Variants in TRPA1 observed in about 807,000 individuals in gnomAD.
The protein encoded by TRPA1 is ankyrin-like with transmembrane domains 1.
TRPA1 carries 129 observed loss-of-function variants against 131.3 expected under a neutral mutation model. The ratio of observed to expected loss-of-function variants is 0.98; its 90% confidence interval spans 0.85 to 1.14. The LOEUF is 1.14. TRPA1 is among the 50% of genes most tolerant of loss of function. The probability of loss-of-function intolerance (pLI) is 0.00; values close to 1 mark genes in which losing one functional copy is unlikely to be tolerated. For synonymous variants in TRPA1, 441 were observed against 451.7 expected, an observed-to-expected ratio of 0.98 and a Z score of 0.30; for missense variants, 1,304 against 1,354.2, an observed-to-expected ratio of 0.96 and a Z score of 0.58.
Position 72,057,017 on chromosome 8 carries a change from C to A in TRPA1, c.1094G>T (p.Gly365Val). ...ATTATCTTTTATGTCTACTTGGGCA[C>A]CTAAAAAAAAACACTATGTAAATAT... ...WNIVNLLLSK[G>V]AQVDIKDNFG... Residue 365 changes from glycine to valine, a missense_variant and splice_region_variant, in exon 10 of 27, where the codon GGT becomes GTT. Gly to Val is a moderately radical substitution (Grantham distance 109). Coordinates refer to ENST00000262209, the MANE Select transcript of TRPA1 (RefSeq NM_007332.3). 2 of 1,592,334 alleles carry A rather than the reference C, an allele frequency of 1.3e-6. No individual in the cohort carries two copies. Among genetic ancestry groups the A allele is most frequent in the African/African-American group, 1.4e-5 (1 of 73,744 alleles).
chr8:72,023,045 A>T lies in TRPA1; in HGVS notation c.3221T>A (p.Ile1074Asn). Residue 1074 changes from isoleucine to asparagine, a missense_variant, in exon 27 of 27, where the codon ATC (isoleucine) becomes AAC (asparagine). Ile to Asn is a moderately radical substitution (Grantham distance 149). Coordinates refer to ENST00000262209, the MANE Select transcript of TRPA1 (RefSeq NM_007332.3). ...LIKLIIQKME[I>N]ISETEDDDSH... The stretch of plus-strand genomic sequence containing the variant: ...ATCATCATCCTCTGTCTCAGAGATG[A>T]TCTCCATCTTCTGAATGATCAGTTT... The T allele has an allele frequency of 6.2e-7, 1 of 1,613,624 alleles. No homozygotes were observed. The highest frequency in any genetic ancestry group is 8.5e-7 in the Non-Finnish European group (1 of 1,179,816).
intron 21 of TRPA1, among the ~76,000 whole-genome samples, chr8:72,035,941 G>T (rs898599743): frequency 6.8e-6 from 1 of 147,140 alleles, no homozygotes; most frequent in Non-Finnish European, 1.5e-5. Context: ...GTATCTAGTG[G>T]GTAGAAGCCA....
chr8:72,059,332 A>G, intron 8 of TRPA1, 58 bp downstream of exon 8: 1 of 1,145,130 alleles, frequency 8.7e-7, no homozygotes, highest in Non-Finnish European at 1.3e-6. Context: ...TTATGTAATT[A>G]TACGATTTCT....
chr8:72,075,169 G>T (rs375681541), intron 1 of TRPA1, 130 bp downstream of exon 1: 2 of 747,802 alleles, frequency 2.7e-6, no homozygotes. Context: ...TCACCTCTTG[G>T]ATTGTGCACA....
chr8:72,047,519 G>A (rs1039987987), intron 15 of TRPA1, among the ~76,000 whole-genome samples: 2 of 151,984 alleles, frequency 1.3e-5, no homozygotes, highest in South Asian at 2.1e-4. Flanking sequence ...ATGTCTTTCT[G>A]GACTTTTAGA....
chr8:72,075,403 G>A lies in TRPA1; in HGVS notation c.7C>T (p.Arg3Cys), dbSNP rs13268757. MK[R>C]SLRKMWRPGE... is the part of the protein sequence containing the mutation. ...GGGCGCCACATCTTCCTCAGGCTGC[G>A]CTTCATTGACCCCACCCCGGACGCC... The change falls in exon 1 of 27, where the codon CGC (arginine) becomes TGC (cysteine). Residue 3 changes from arginine to cysteine, a missense_variant. Arg to Cys is a radical substitution (Grantham distance 180). Transcript: ENST00000262209. 0.15 allele frequency: 235,524 copies of A among 1,606,200 alleles called. 18,504 individuals carry two copies. The highest frequency in any genetic ancestry group is 0.23 in the Middle Eastern group (1,053 of 4,528).
chr8:72,072,211 T>A (rs16937980), intron 1 of TRPA1, among the ~76,000 whole-genome samples: 19,642 of 152,250 alleles, frequency 0.13, 1,452 homozygotes, highest in Middle Eastern at 0.32. Flanking sequence ...ACTAGTCTCA[T>A]ATGCCACATG....
At chr8:72,052,539 A>T in intron 14 of TRPA1, 60 bp downstream of exon 14, 1 of 1,600,596 alleles carries the variant, frequency 6.2e-7, no homozygotes, top group Non-Finnish European at 8.6e-7. Context: ...TTTGTCTCAG[A>T]CTTCAAATCA....
the TRPA1 span, among the ~76,000 whole-genome samples, chr8:72,085,989 C>T: frequency 6.6e-6 from 1 of 152,120 alleles, no homozygotes; most frequent in East Asian, 1.9e-4. Flanking sequence ...CAACCTCTGC[C>T]TCCCGGGTTC....
intron 3 of TRPA1, among the ~76,000 whole-genome samples, chr8:72,067,077 G>A (rs1425064594): frequency 1.3e-5 from 2 of 152,200 alleles, no homozygotes; most frequent in African/African-American, 2.4e-5. Context: ...ATAAATCATT[G>A]TGCAAGAACT....
intron 26 of TRPA1, 139 bp downstream of exon 26, chr8:72,023,675 C>T: frequency 1.6e-6 from 1 of 609,650 alleles, no homozygotes; most frequent in South Asian, 2.1e-5. Flanking sequence ...TCATGACTCT[C>T]AATACACTAG....
Position 72,039,799 on chromosome 8 carries a change from T to C in TRPA1, c.2062-2A>G. 2 of 1,599,514 alleles carry C rather than the reference T, an allele frequency of 1.3e-6. 1 individual carries two copies. The highest frequency in any genetic ancestry group is 2.2e-5 in the South Asian group (2 of 90,780). On this transcript the variant is annotated splice_acceptor_variant, in intron 17 of 26. Coordinates refer to ENST00000262209, the MANE Select transcript of TRPA1 (RefSeq NM_007332.3). LOFTEE classifies it high-confidence loss of function. ...TATGCGGTTATTTTGTACCATTGCC[T>C]GAGAAATAAAAAAAAGTGTAATAAA...
chr8:72,027,718 A>C (rs1409752752), intron 24 of TRPA1, among the ~76,000 whole-genome samples: 4 of 152,166 alleles, frequency 2.6e-5, no homozygotes, highest in Non-Finnish European at 5.9e-5. Context: ...TTCTGCTCAC[A>C]GTTCTGCCAT....
intron 15 of TRPA1, 114 bp downstream of exon 15, chr8:72,050,664 C>T: frequency 1.3e-6 from 1 of 748,956 alleles, no homozygotes; most frequent in Non-Finnish European, 2.3e-6. Context: ...TCCCTTACAG[C>T]CTATGGAAAA....
At chr8:72,051,024 G>A (rs1312422414) in intron 14 of TRPA1, among the ~76,000 whole-genome samples, 153 bp from the exon 15 acceptor site, 2 of 152,120 alleles carry the variant, frequency 1.3e-5, no homozygotes, top group African/African-American at 2.4e-5. Context: ...GAACCAACAT[G>A]TAAAGCAAGA....
At position 72,022,728 on chromosome 8, in the gene TRPA1, T is replaced by G. The variant is rs1811438096; in HGVS notation, c.*178A>C. ...AAAGATATCCCCAATACATAGTGAT[T>G]GGTAGAAAATATGAATAGAGGATAA... On this transcript the variant is annotated 3_prime_UTR_variant, in exon 27 of 27. Coordinates refer to ENST00000262209, the MANE Select transcript of TRPA1 (RefSeq NM_007332.3). 4.4e-6 allele frequency: 3 copies of G among 680,304 alleles called. No individual in the cohort carries two copies. Among genetic ancestry groups the G allele is most frequent in the African/African-American group, 1.8e-5 (1 of 56,154 alleles). The allele number at this position is 680,304 out of a possible 1,614,324, so 42.1% of individuals were successfully genotyped here. A position where few individuals can be genotyped will look rare whatever the true frequency, so the allele number is the denominator to read the frequency against.
At chr8:72,078,553 T>G (rs1465050844), upstream of TRPA1, among the ~76,000 whole-genome samples, 2 of 152,068 alleles carry the variant, frequency 1.3e-5, no homozygotes, top group African/African-American at 4.8e-5. Flanking sequence ...ATAATACACT[T>G]GAGATTAACC....
chr8:72,043,245 C>G (rs1474721641), intron 17 of TRPA1, among the ~76,000 whole-genome samples: 1 of 151,736 alleles, frequency 6.6e-6, no homozygotes, highest in Non-Finnish European at 1.5e-5. Context: ...TATTTCTACA[C>G]AGAAACACCC....
intron 25 of TRPA1, among the ~76,000 whole-genome samples, chr8:72,024,636 G>A (rs1811517916): frequency 6.6e-6 from 1 of 152,146 alleles, no homozygotes; most frequent in African/African-American, 2.4e-5. Context: ...GATATGTCAG[G>A]AGAGGGTGAA....
Sources: gnomAD v4.1 joint callset for allele counts (sites outside exome capture counted in the v4.1 genomes callset) on GRCh38, gnomAD v4.1.1 for gene constraint, MANE v1.5 for transcripts, NCBI Gene and HGNC (gene_info 2026-07-23, HGNC 2026-07-21) for gene names.